The following ARHGEF18 variants were observed in gnomAD, a reference collection of about 807,000 sequenced individuals.
ARHGEF18 encodes rho guanine nucleotide exchange factor 18.
In ARHGEF18, 93 loss-of-function variants were observed where a neutral mutation model predicts 155.7. The observed-to-expected ratio is 0.60, with a 90% CI of 0.50 to 0.71. ARHGEF18 has a LOEUF of 0.71. Among genes scored for constraint, ARHGEF18 ranks in the 30% least tolerant of loss-of-function variants. The pLI is 0.00. For synonymous variants in ARHGEF18, 742 were observed against 753.1 expected (o/e 0.99, Z 0.24); for missense variants, 1,593 against 1,816.1 (o/e 0.88, Z 2.23).
At chr19:7,441,582 C>A in intron 11 of ARHGEF18, 71 bp from the exon 12 acceptor site, 1 of 1,171,008 alleles carries the variant, frequency 8.5e-7, no homozygotes, top group Non-Finnish European at 1.3e-6. Context: ...CACCGATGTG[C>A]CTTTGTTGCA....
At chr19:7,472,770 G>A, downstream of ARHGEF18, 1 of 350,514 alleles carries the variant, frequency 2.9e-6, no homozygotes, top group Non-Finnish European at 5.7e-6. Context: ...CAGGTTCTCA[G>A]CTCACTGCAA....
chr19:7,458,614 G>A lies in ARHGEF18; in HGVS notation c.2284G>A (p.Glu762Lys), dbSNP rs753872668. Residue 762 changes from glutamate (E) to lysine (K), a missense_variant, in exon 19 of 29, where the codon GAG becomes AAG. Coordinates refer to ENST00000668164, the MANE Select transcript of ARHGEF18 (RefSeq NM_001367823.1). ...FLISASLQGP[E>K]MYEIYTSSKE... ...GATCAGCGCCTCCTTGCAAGGGCCG[G>A]AGATGTATGAAATCTACACGAGCTC... The A allele has an allele frequency of 6.2e-7, 1 of 1,614,222 alleles. No homozygotes were observed. Among genetic ancestry groups the A allele is most frequent in the South Asian group, 1.1e-5 (1 of 91,090 alleles).
chr19:7,461,268 G>C (rs1282500308), intron 20 of ARHGEF18, among the ~76,000 whole-genome samples: 1 of 151,964 alleles, frequency 6.6e-6, no homozygotes, highest in Non-Finnish European at 1.5e-5. Context: ...TAAAAATTAG[G>C]CTGGGTGCGG....
intron 1 of ARHGEF18, among the ~76,000 whole-genome samples, chr19:7,350,767 GGTGTGTGTGTGTGT>G (rs71177199): frequency 0.097 from 1,894 of 19,442 alleles, 25 homozygotes; most frequent in Middle Eastern, 0.37. Flanking sequence ...TTTTGGGGTG[GGTGTGTGTGTGTGT>G]GTGTGTGTGT....
At chr19:7,401,105 G>A (rs1336926827) in intron 10 of ARHGEF18, among the ~76,000 whole-genome samples, 1 of 152,140 alleles carries the variant, frequency 6.6e-6, no homozygotes, top group Non-Finnish European at 1.5e-5. Context: ...GTTCCCTTAC[G>A]GGGGTGAAAT....
At chr19:7,429,431 C>T (rs1362866366) in intron 10 of ARHGEF18, among the ~76,000 whole-genome samples, 2 of 151,972 alleles carry the variant, frequency 1.3e-5, no homozygotes, top group African/African-American at 4.8e-5. Context: ...GGTGAAACCT[C>T]ATCTCTACTA....
rs576936968 is a variant in ARHGEF18, at chr19:7,366,725, G to A, written c.15+3820G>A. ...GGGGTTGTCAGAGGCTTGCTCAGAG[G>A]AAGGGTCCTGACTCCTGAAATTTAT... On this transcript the variant is annotated intron_variant, in intron 2 of 28. Transcript: ENST00000668164. 3.9e-5 allele frequency among the ~76,000 whole-genome samples: 6 copies of A among 152,270 alleles called. No homozygotes were observed. In the South Asian group the frequency reaches 1.2e-3, roughly 32 times the overall value.
intron 10 of ARHGEF18, among the ~76,000 whole-genome samples, chr19:7,404,956 C>A (rs1254195502): frequency 2.0e-5 from 3 of 151,578 alleles, no homozygotes; most frequent in African/African-American, 7.3e-5. Context: ...GACTCGGGTG[C>A]TTTATTTTTA....
At chr19:7,376,867 T>TG in intron 5 of ARHGEF18, 110 bp downstream of exon 5, 1 of 777,606 alleles carries the variant, frequency 1.3e-6, no homozygotes, top group Non-Finnish European at 1.7e-6. Context: ...AGGGTCCCCT[T>TG]GGTGGGGCTC....
At chr19:7,473,225 T>C (rs1331362146), downstream of ARHGEF18, 1 of 455,952 alleles carries the variant, frequency 2.2e-6, no homozygotes, top group Non-Finnish European at 4.4e-6. Context: ...CAACAGAGGG[T>C]TTCCCATCAC....
chr19:7,382,750 G>T (rs1417852056), intron 8 of ARHGEF18, 42 bp from the exon 9 acceptor site: 1 of 1,220,960 alleles, frequency 8.2e-7, no homozygotes, highest in East Asian at 3.2e-5. Flanking sequence ...CCTCAGAATG[G>T]CCCCTGGCCC....
intron 23 of ARHGEF18, among the ~76,000 whole-genome samples, chr19:7,466,258 G>C (rs1976598017): frequency 6.7e-6 from 1 of 149,694 alleles, no homozygotes; most frequent in Non-Finnish European, 1.5e-5. Context: ...TGGCACATTC[G>C]AGTAATCCCA....
Position 7,453,534 on chromosome 19 carries a change from G to A in ARHGEF18, c.1923G>A (p.Val641=). ...LNLIKDIISQ[V]DAKVSECEKG... is the part of the protein sequence containing the mutation. ...TCATCAAAGATATCATCTCACAAGT[G>A]GACGCCAAGGTCAGTGAGTGTGAGA... Residue 641 remains valine (V), a synonymous_variant, in exon 17 of 29, where the codon GTG becomes GTA. Transcript: ENST00000668164. 1.2e-6 allele frequency: 2 copies of A among 1,614,060 alleles called. No individual in the cohort carries two copies. Among genetic ancestry groups the A allele is most frequent in the Non-Finnish European group, 1.7e-6 (2 of 1,179,940 alleles).
At chr19:7,349,874 AC>A (rs1969115432) in intron 1 of ARHGEF18, among the ~76,000 whole-genome samples, 1 of 152,114 alleles carries the variant, frequency 6.6e-6, no homozygotes, top group African/African-American at 2.4e-5. Flanking sequence ...TGCATCTTAA[AC>A]TGCAGATTCC....
At chr19:7,469,194 C>G (rs1229478294) in intron 27 of ARHGEF18, 63 bp downstream of exon 27, 5 of 1,466,038 alleles carry the variant, frequency 3.4e-6, no homozygotes, top group Non-Finnish European at 4.5e-6. Context: ...TCTAGCGGCT[C>G]GCTGGGAGCC....
At chr19:7,468,184 G>C (rs758651878) in intron 26 of ARHGEF18, among the ~76,000 whole-genome samples, 5 of 150,934 alleles carry the variant, frequency 3.3e-5, no homozygotes, top group Non-Finnish European at 7.4e-5. Flanking sequence ...CTGGGCAACA[G>C]AGTGAGACAT....
chr19:7,402,158 T>A (rs1295067149), intron 10 of ARHGEF18, among the ~76,000 whole-genome samples: 2 of 152,134 alleles, frequency 1.3e-5, no homozygotes, highest in Non-Finnish European at 2.9e-5. Flanking sequence ...CAGTGGCTCA[T>A]GCCTGTAATC....
intron 10 of ARHGEF18, among the ~76,000 whole-genome samples, chr19:7,390,028 C>CA (rs1040460542): frequency 6.6e-6 from 1 of 151,448 alleles, no homozygotes. Flanking sequence ...CTCGTCTCTA[C>CA]AAAAAAAATG....
intron 15 of ARHGEF18, 39 bp from the exon 16 acceptor site, chr19:7,451,110 C>G (rs369872943): frequency 3.4e-5 from 54 of 1,590,350 alleles, no homozygotes; most frequent in Non-Finnish European, 4.6e-5. Context: ...CTGTCCGTTT[C>G]TGAGATGTTA....
Sources: allele counts gnomAD v4.1 joint callset (sites outside exome capture counted in the v4.1 genomes callset), GRCh38; gene constraint gnomAD v4.1.1; transcripts MANE v1.5; gene names NCBI Gene and HGNC (gene_info 2026-07-23, HGNC 2026-07-21).